ARSB: variants seen among roughly 807,000 people sequenced by gnomAD.
ARSB encodes arylsulfatase B.
A neutral mutation model predicts 50.9 loss-of-function variants in ARSB; 41 were observed. The ratio of observed to expected loss-of-function variants is 0.81; its 90% confidence interval spans 0.63 to 1.04. The LOEUF is 1.04. ARSB is among the 50% of genes least tolerant of loss of function. The probability of loss-of-function intolerance (pLI) is 0.00; values close to 1 mark genes in which losing one functional copy is unlikely to be tolerated. For synonymous variants in ARSB, 269 were observed against 284.8 expected (o/e 0.94, Z 0.56); for missense variants, 672 against 693.3 (o/e 0.97, Z 0.35).
intron 1 of ARSB, among the ~76,000 whole-genome samples, chr5:78,982,867 G>C (rs956757017): frequency 6.6e-6 from 1 of 152,124 alleles, no homozygotes; most frequent in Admixed American, 6.5e-5. Context: ...GGGAAGCAAG[G>C]CTGCTTTAGA....
chr5:78,795,696 A>C (rs1178218787), intron 6 of ARSB, among the ~76,000 whole-genome samples: 1 of 152,254 alleles, frequency 6.6e-6, no homozygotes, highest in African/African-American at 2.4e-5. Flanking sequence ...ACATGAAGCT[A>C]ATCAGAAAAA....
At chr5:78,913,644 A>C (rs952897489) in intron 4 of ARSB, among the ~76,000 whole-genome samples, 28 of 152,320 alleles carry the variant, frequency 1.8e-4, no homozygotes, top group African/African-American at 6.7e-4. Context: ...ATATAGGCTC[A>C]GTGTTACATA....
intron 5 of ARSB, among the ~76,000 whole-genome samples, chr5:78,881,167 G>C (rs1170809669): frequency 6.6e-6 from 1 of 152,102 alleles, no homozygotes; most frequent in Non-Finnish European, 1.5e-5. Context: ...AGGAGGCAGA[G>C]ATCGCAGTGA....
chr5:78,864,382 C>T (rs1322441115), intron 5 of ARSB, among the ~76,000 whole-genome samples: 2 of 152,148 alleles, frequency 1.3e-5, no homozygotes, highest in Non-Finnish European at 2.9e-5. Flanking sequence ...AAGGAGAAAC[C>T]CCTGACAAAA....
chr5:78,954,288 A>G (rs1283402142), intron 4 of ARSB, among the ~76,000 whole-genome samples: 1 of 151,726 alleles, frequency 6.6e-6, no homozygotes, highest in East Asian at 1.9e-4. Context: ...AGTACTCAGC[A>G]TGATGAATAA....
chr5:78,841,168 C>CTACTACTACTAA (rs368030435), intron 5 of ARSB, among the ~76,000 whole-genome samples: 1,950 of 131,952 alleles, frequency 0.015, 24 homozygotes, highest in African/African-American at 0.021. Context: ...ACTACTACTA[C>CTACTACTACTAA]TAATAATAAT....
At chr5:78,957,291 T>C (rs1000395422) in intron 3 of ARSB, among the ~76,000 whole-genome samples, 2 of 152,006 alleles carry the variant, frequency 1.3e-5, no homozygotes, top group African/African-American at 4.8e-5. Flanking sequence ...GGTGGGGGGG[T>C]GGTGCTCATA....
intron 4 of ARSB, among the ~76,000 whole-genome samples, chr5:78,937,371 A>G (rs1247190800): frequency 3.8e-4 from 32 of 84,332 alleles, no homozygotes; most frequent in South Asian, 8.0e-4. Flanking sequence ...AGATATATAT[A>G]TGTAAGATAT....
chr5:78,781,457 T>C (rs767796184), intron 7 of ARSB, among the ~76,000 whole-genome samples: 25 of 151,704 alleles, frequency 1.6e-4, no homozygotes, highest in Non-Finnish European at 3.2e-4. Context: ...TCCTTGATGA[T>C]CCACTGGGAA....
In ARSB at chr5:78,985,051, G is replaced by A; in HGVS notation, c.198C>T (p.Arg66=). 6.5e-7 allele frequency: 1 copy of A among 1,542,088 alleles called. No homozygotes were observed. Among genetic ancestry groups the A allele is most frequent in the Non-Finnish European group, 8.7e-7 (1 of 1,146,166 alleles). Residue 66 remains arginine, a synonymous_variant, in exon 1 of 8, where the codon CGC becomes CGT. Transcript: ENST00000264914. ...GCGCGTCCAGGTGCGGCGTGCGGAT[G>A]CGGGAGCCGTGGAAGCCGACGTCGT... The part of the protein sequence containing the change: ...GWNDVGFHGS[R]IRTPHLDALA...
intron 6 of ARSB, among the ~76,000 whole-genome samples, chr5:78,799,590 C>T (rs1395823236): frequency 6.6e-6 from 1 of 152,168 alleles, no homozygotes; most frequent in Non-Finnish European, 1.5e-5. Context: ...CTTCTGAACC[C>T]GCATACGGAA....
intron 6 of ARSB, among the ~76,000 whole-genome samples, chr5:78,831,879 AG>A (rs1421301073): frequency 2.0e-5 from 3 of 152,212 alleles, no homozygotes; most frequent in South Asian, 2.1e-4. Flanking sequence ...CTTCTCTAAT[AG>A]ACCCAAAAAG....
intron 6 of ARSB, among the ~76,000 whole-genome samples, chr5:78,839,032 T>C (rs1414940611): frequency 2.6e-5 from 4 of 152,200 alleles, no homozygotes; most frequent in Non-Finnish European, 5.9e-5. Flanking sequence ...GGCAGCAACA[T>C]GACATCTACA....
chr5:78,848,214 C>A (rs970410389), intron 5 of ARSB, among the ~76,000 whole-genome samples: 3 of 134,158 alleles, frequency 2.2e-5, no homozygotes, highest in African/African-American at 8.3e-5. Flanking sequence ...GCTATCCTCC[C>A]CCCTCCCCCC....
chr5:78,814,506 A>G (rs1024495364), intron 6 of ARSB, among the ~76,000 whole-genome samples: 1 of 150,750 alleles, frequency 6.6e-6, no homozygotes, highest in Admixed American at 6.6e-5. Context: ...CCCAACTGAA[A>G]TGGTCTCTCC....
intron 5 of ARSB, among the ~76,000 whole-genome samples, chr5:78,851,294 C>T (rs201345369): frequency 2.0e-5 from 3 of 152,144 alleles, no homozygotes; most frequent in East Asian, 1.9e-4. Context: ...AACATCTTTA[C>T]TTCTGCCTTC....
intron 4 of ARSB, among the ~76,000 whole-genome samples, chr5:78,937,535 TGAC>T (rs971873221): frequency 6.7e-6 from 1 of 150,176 alleles, no homozygotes; most frequent in African/African-American, 2.4e-5. Context: ...GTGAAAATCA[TGAC>T]TACTTCATGT....
At chr5:78,931,039 G>A (rs375878983) in intron 4 of ARSB, among the ~76,000 whole-genome samples, 110 of 152,310 alleles carry the variant, frequency 7.2e-4, no homozygotes, top group African/African-American at 2.5e-3. Context: ...ACCCCAAAGC[G>A]GAGAGGAATC....
intron 1 of ARSB, among the ~76,000 whole-genome samples, chr5:78,973,453 T>C (rs1752542202): frequency 6.6e-6 from 1 of 152,226 alleles, no homozygotes; most frequent in Admixed American, 6.5e-5. Context: ...GCTCTTTCTG[T>C]GACATAACTG....
Sources: gnomAD v4.1 joint callset for allele counts (sites outside exome capture counted in the v4.1 genomes callset) on GRCh38, gnomAD v4.1.1 for gene constraint, MANE v1.5 for transcripts, NCBI Gene and HGNC (gene_info 2026-07-23, HGNC 2026-07-21) for gene names.